Variants in PCDH15 observed in about 807,000 individuals in gnomAD.
The protein encoded by PCDH15 is protocadherin-15.
In PCDH15, 129 loss-of-function variants were observed where a neutral mutation model predicts 178.5. The ratio of observed to expected loss-of-function variants is 0.72; its 90% CI spans 0.63 to 0.84. PCDH15 has a LOEUF of 0.84. PCDH15 is among the 40% of genes least tolerant of loss of function. The pLI, the probability that PCDH15 is intolerant of heterozygous loss-of-function variation, is 0.00. For missense variants in PCDH15, 2,230 were observed against 2,099.9 expected, an observed-to-expected ratio of 1.06 and a Z score of -1.21; for synonymous variants, 800 against 732.0, an observed-to-expected ratio of 1.09 and a Z score of -1.50.
At chr10:55,257,097 G>A (rs1842020801) in intron 1 of PCDH15, among the ~76,000 whole-genome samples, 1 of 152,168 alleles carries the variant, frequency 6.6e-6, no homozygotes, top group African/African-American at 2.4e-5. Context: ...CTCCGCTGCT[G>A]AATACCCAGG....
chr10:54,275,883 G>A (rs1554874851), intron 8 of PCDH15, among the ~76,000 whole-genome samples: 1 of 151,460 alleles, frequency 6.6e-6, no homozygotes, highest in Non-Finnish European at 1.5e-5. Context: ...AACAGAAATT[G>A]CATTAACAAA....
chr10:54,020,091 T>G (rs1341425921), intron 20 of PCDH15, 101 bp downstream of exon 20: 1 of 991,216 alleles, frequency 1.0e-6, no homozygotes, highest in African/African-American at 1.6e-5. Flanking sequence ...ACTGTGTCAT[T>G]AGGAATTGTT....
In PCDH15 at chr10:55,169,185, A is replaced by G; in HGVS notation, c.-155-2534T>C. On this transcript the variant is annotated intron_variant, in intron 1 of 5. Coordinates refer to the PCDH15 transcript ENST00000458638. ...AGAAAAGAAGAGATTCTATTAATTT[A>G]AAGCATACAATTTCCCACGGATTGC... is the stretch of plus-strand genomic sequence containing the variant. Among the ~76,000 whole-genome samples, 2 of 152,192 alleles carry G rather than the reference A, an allele frequency of 1.3e-5. 1 individual carries two copies.
At chr10:55,218,255 G>A (rs1201286641) in intron 1 of PCDH15, among the ~76,000 whole-genome samples, 2 of 151,884 alleles carry the variant, frequency 1.3e-5, no homozygotes, top group East Asian at 1.9e-4. Context: ...AACTCCAAAG[G>A]CCACTTCTTT....
rs1048085001 is a variant in PCDH15, at chr10:54,923,424, T to C, written c.-79-25924A>G. Among the ~76,000 whole-genome samples, 7 of 138,800 alleles carry C rather than the reference T, an allele frequency of 5.0e-5. 2 individuals are homozygous for C. Among genetic ancestry groups the C allele is most frequent in the Non-Finnish European group, 1.2e-4 (7 of 59,542 alleles). 91.1% of individuals were successfully genotyped at this position (138,800 alleles called of 152,430 possible). On this transcript the variant is annotated intron_variant, in intron 2 of 5. Transcript: ENST00000458638. ...CAAATTTATGCAGCAGGCTTGAATTTCTCTCCAGTAAATGGGGTTTTCTTT... is the reference window on the plus strand; with the variant it reads ...CAAATTTATGCAGCAGGCTTGAATTCCTCTCCAGTAAATGGGGTTTTCTTT...
chr10:54,145,393 A>T (rs2043807394), intron 14 of PCDH15, among the ~76,000 whole-genome samples: 1 of 151,814 alleles, frequency 6.6e-6, no homozygotes, highest in South Asian at 2.1e-4. Flanking sequence ...TTTCTGGTAG[A>T]TTTCAGACAG....
At chr10:54,831,682 G>T (rs937807596) in intron 3 of PCDH15, among the ~76,000 whole-genome samples, 1 of 152,056 alleles carries the variant, frequency 6.6e-6, no homozygotes, top group South Asian at 2.1e-4. Flanking sequence ...AATTCCACAT[G>T]CCAATCAGTA....
chr10:55,095,003 C>A (rs1291617642), intron 2 of PCDH15, among the ~76,000 whole-genome samples: 1 of 150,318 alleles, frequency 6.7e-6, no homozygotes, highest in Non-Finnish European at 1.5e-5. Flanking sequence ...CTCACTGCAG[C>A]CTCAACCACC....
intron 25 of PCDH15, among the ~76,000 whole-genome samples, chr10:53,924,857 CATCA>C (rs1020207646): frequency 6.3e-4 from 96 of 152,308 alleles, no homozygotes; most frequent in African/African-American, 2.2e-3. Context: ...TTTGTAAACA[CATCA>C]ATCAGTACCC....
intron 2 of PCDH15, among the ~76,000 whole-genome samples, chr10:55,144,781 C>T (rs953446244): frequency 4.6e-5 from 7 of 152,006 alleles, no homozygotes; most frequent in African/African-American, 1.4e-4. Flanking sequence ...TACTTGCTCA[C>T]ATTTATTTTT....
intron 2 of PCDH15, among the ~76,000 whole-genome samples, chr10:54,661,816 T>C (rs1189621543): frequency 6.6e-6 from 1 of 152,012 alleles, no homozygotes; most frequent in Non-Finnish European, 1.5e-5. Flanking sequence ...AAGGTCACCC[T>C]ATTCAATAAA....
At chr10:54,731,722 T>A (rs1943433520) in intron 1 of PCDH15, among the ~76,000 whole-genome samples, 1 of 150,558 alleles carries the variant, frequency 6.6e-6, no homozygotes, top group Non-Finnish European at 1.5e-5. Context: ...TTGCATGTTC[T>A]CACTCATATG....
chr10:54,602,246 GTATT>G (rs1318946363), intron 2 of PCDH15, among the ~76,000 whole-genome samples: 2 of 151,724 alleles, frequency 1.3e-5, no homozygotes, highest in East Asian at 1.9e-4. Flanking sequence ...ATATTTCAAA[GTATT>G]TATTCTTATT....
At chr10:55,546,877 A>C (rs1174147056) in intron 2 of PCDH15, among the ~76,000 whole-genome samples, 4 of 152,166 alleles carry the variant, frequency 2.6e-5, no homozygotes, top group Non-Finnish European at 4.4e-5. Flanking sequence ...ACAGGGAAAG[A>C]TGAAGGGGAA....
Position 54,757,353 on chromosome 10 carries a change from A to G in PCDH15, c.-29+43572T>C, listed in dbSNP as rs1402558679. ...GCTGGAGCGCAGTGGCGCGATCTCG[A>G]CTCACTGCAAGCTCCGCCTCCCGGG... On this transcript the variant is annotated intron_variant, in intron 1 of 37. Transcript: ENST00000644397. Among the ~76,000 whole-genome samples, 12 of 78,386 alleles carry G rather than the reference A, an allele frequency of 1.5e-4. 1 individual carries two copies. In the East Asian group the frequency reaches 3.0e-3, roughly 20 times the overall value. The allele number at this position is 78,386 out of a possible 152,430, so 51.4% of individuals were successfully genotyped here.
chr10:54,732,360 A>G (rs773057867), intron 1 of PCDH15, among the ~76,000 whole-genome samples: 1 of 151,458 alleles, frequency 6.6e-6, no homozygotes, highest in Non-Finnish European at 1.5e-5. Flanking sequence ...GAAAGACGGG[A>G]CATCACTATA....
chr10:53,944,497 A>C (rs934360843), intron 23 of PCDH15, among the ~76,000 whole-genome samples: 1 of 152,208 alleles, frequency 6.6e-6, no homozygotes, highest in African/African-American at 2.4e-5. Flanking sequence ...TTAAATTCAT[A>C]AATCTTCAAT....
intron 2 of PCDH15, among the ~76,000 whole-genome samples, chr10:54,565,140 G>A (rs920838785): frequency 1.3e-5 from 2 of 152,068 alleles, no homozygotes; most frequent in Non-Finnish European, 1.5e-5. Flanking sequence ...ATTGAAATTT[G>A]GCTTCCAACT....
chr10:54,122,387 T>C (rs1291903275), intron 15 of PCDH15, among the ~76,000 whole-genome samples: 2 of 151,902 alleles, frequency 1.3e-5, no homozygotes, highest in East Asian at 3.9e-4. Flanking sequence ...AAAAGCTATC[T>C]ACAACAAACC....
Sources: allele counts gnomAD v4.1 joint callset (sites outside exome capture counted in the v4.1 genomes callset), GRCh38; gene constraint gnomAD v4.1.1; transcripts MANE v1.5; gene names NCBI Gene and HGNC (gene_info 2026-07-23, HGNC 2026-07-21).